CD55: variants seen among roughly 807,000 people sequenced by gnomAD.
The protein encoded by CD55 is CD55 molecule (Cromer blood group).
Under a neutral mutation model 45.8 loss-of-function variants are expected in CD55, and 41 were observed. That is an observed-to-expected ratio of 0.90 (90% confidence interval 0.70 to 1.16). CD55 has a LOEUF of 1.16. CD55 is among the 50% of genes most tolerant of loss of function. The probability of loss-of-function intolerance (pLI) is 0.00; values close to 1 mark genes in which losing one functional copy is unlikely to be tolerated. For synonymous variants in CD55, 181 were observed against 181.1 expected (o/e 1.00, Z 0.01); for missense variants, 416 against 469.8 (o/e 0.89, Z 1.06).
intron 6 of CD55, among the ~76,000 whole-genome samples, chr1:207,332,751 G>A (rs1037236949): frequency 6.6e-6 from 1 of 152,070 alleles, no homozygotes; most frequent in African/African-American, 2.4e-5. Context: ...CCATTAAAAC[G>A]ACTATAAAAT....
intron 9 of CD55, among the ~76,000 whole-genome samples, chr1:207,340,988 C>G (rs2102415782): frequency 6.6e-6 from 1 of 152,276 alleles, no homozygotes; most frequent in African/African-American, 2.4e-5. Context: ...GCCATTCTAA[C>G]TGAGGTTAAG....
intron 3 of CD55, 58 bp downstream of exon 3, chr1:207,324,808 C>T: frequency 1.9e-6 from 2 of 1,064,824 alleles, no homozygotes; most frequent in Non-Finnish European, 2.8e-6. Flanking sequence ...AAATAGTATC[C>T]CTTCCTTCAT....
intron 9 of CD55, among the ~76,000 whole-genome samples, chr1:207,347,947 G>A (rs1655716466): frequency 6.6e-6 from 1 of 151,970 alleles, no homozygotes; most frequent in Non-Finnish European, 1.5e-5. Context: ...ATCCCGTGGT[G>A]TATATATACC....
rs1449155563 is a variant in CD55 at position 207,321,847 on chromosome 1, T to G, written c.82T>G (p.Cys28Gly). 6.5e-7 allele frequency: 1 copy of G among 1,528,996 alleles called. No individual in the cohort carries two copies. The highest frequency in any genetic ancestry group is 8.7e-7 in the Non-Finnish European group (1 of 1,143,304). The allele number at this position is 1,528,996 out of a possible 1,614,324, so 94.7% of individuals were successfully genotyped here. The change falls in exon 1 of 10, where the codon TGC (cysteine) becomes GGC (glycine). Residue 28 changes from cysteine (C) to glycine (G), a missense_variant. Cys to Gly is a radical substitution (Grantham distance 159). Transcript: ENST00000367064. ...CCGGCTGCTGCTGCTGGTGCTGTTGTGCCTGCCGGCCGTGTGGGGTGAGTA... is the reference window on the plus strand; with the variant it reads ...CCGGCTGCTGCTGCTGGTGCTGTTGGGCCTGCCGGCCGTGTGGGGTGAGTA... ...LPRLLLLVLL[C>G]LPAVWGDCGL...
chr1:207,323,227 ATAT>A (rs1654509206), intron 2 of CD55, among the ~76,000 whole-genome samples: 1 of 151,284 alleles, frequency 6.6e-6, no homozygotes, highest in Admixed American at 6.6e-5. Context: ...TAATTGGGAT[ATAT>A]ATAAGGAGAT....
At chr1:207,327,827 C>T (rs1177870889) in intron 5 of CD55, among the ~76,000 whole-genome samples, 2 of 152,192 alleles carry the variant, frequency 1.3e-5, no homozygotes, top group Non-Finnish European at 2.9e-5. Flanking sequence ...CTGCCACACC[C>T]ACCATGTGCC....
intron 9 of CD55, among the ~76,000 whole-genome samples, chr1:207,356,066 A>T (rs1656065609): frequency 6.6e-6 from 1 of 152,204 alleles, no homozygotes; most frequent in Non-Finnish European, 1.5e-5. Flanking sequence ...ACCAGTATGT[A>T]TGTCATTGTG....
intron 1 of CD55, 164 bp from the exon 2 acceptor site, chr1:207,322,218 G>T (rs1654446603): frequency 1.4e-6 from 1 of 738,362 alleles, no homozygotes; most frequent in South Asian, 1.5e-5. Context: ...ACCGCTGACC[G>T]TTCCCCACTC....
At chr1:207,347,060 A>G in intron 9 of CD55, 1 of 455,220 alleles carries the variant, frequency 2.2e-6, no homozygotes, top group Non-Finnish European at 4.4e-6. Flanking sequence ...GCATCCTGTC[A>G]CTTGTTTGTT....
intron 9 of CD55, among the ~76,000 whole-genome samples, chr1:207,351,586 G>A (rs565821243): frequency 6.6e-6 from 1 of 152,036 alleles, no homozygotes; most frequent in East Asian, 1.9e-4. Flanking sequence ...TATTTATTGT[G>A]GTTATTTTAT....
At position 207,324,633 on chromosome 1, in the gene CD55, G is replaced by T; in HGVS notation, c.361G>T (p.Val121Phe). ...TTATATCACTCAGAATTATTTTCCA[G>T]TCGGTACTGTTGTGGAATATGAGTG... ...QPYITQNYFP[V>F]GTVVEYECRP... is the part of the protein sequence containing the mutation. The change falls in exon 3 of 10, where the codon GTC becomes TTC. Residue 121 changes from valine (V) to phenylalanine (F), a missense_variant. Physicochemically the swap from Val to Phe is conservative, Grantham distance 50. Around this residue, in one of 3 missense-constraint regions of CD55, gnomAD observed 111 missense variants for 163.4 expected, o/e 0.68. Coordinates refer to ENST00000367064, the MANE Select transcript of CD55 (RefSeq NM_000574.5). 6.2e-7 allele frequency: 1 copy of T among 1,612,378 alleles called. No homozygotes were observed. Among genetic ancestry groups the T allele is most frequent in the Non-Finnish European group, 8.5e-7 (1 of 1,179,154 alleles).
chr1:207,340,186 T>G (rs1317728783), intron 9 of CD55, among the ~76,000 whole-genome samples: 3 of 152,126 alleles, frequency 2.0e-5, no homozygotes, highest in Admixed American at 2.0e-4. Flanking sequence ...AGAACTTTTT[T>G]AGGTCTCACA....
chr1:207,322,604 G>A (rs781125021), intron 2 of CD55, 37 bp downstream of exon 2: 1 of 1,510,008 alleles, frequency 6.6e-7, no homozygotes, highest in African/African-American at 1.4e-5. Flanking sequence ...TTCTGGGAAT[G>A]GAATGTATCT....
chr1:207,337,180 A>G (rs1028116260), intron 7 of CD55, 149 bp from the exon 8 acceptor site: 15 of 638,890 alleles, frequency 2.3e-5, no homozygotes, highest in Non-Finnish European at 4.2e-5. Flanking sequence ...CTTCTGCTAC[A>G]CAGGCCACAC....
In CD55 at chr1:207,359,646, T is replaced by G; in HGVS notation, c.*36T>G. The G allele has an allele frequency of 6.4e-7, 1 of 1,558,724 alleles. No individual in the cohort carries two copies. The highest frequency in any genetic ancestry group is 8.6e-7 in the Non-Finnish European group (1 of 1,160,028). On this transcript the variant is annotated 3_prime_UTR_variant, in exon 10 of 10. Transcript: ENST00000367064. ...GTTAAGAAGAAAATACACACAAGTA[T>G]ACAGACTGTTCCTAGTTTCTTAGAC...
At chr1:207,332,440 A>T (rs1654989834) in intron 6 of CD55, among the ~76,000 whole-genome samples, 1 of 152,170 alleles carries the variant, frequency 6.6e-6, no homozygotes, top group African/African-American at 2.4e-5. Flanking sequence ...TACATTTTTC[A>T]TGCCCATTAG....
intron 8 of CD55, among the ~76,000 whole-genome samples, chr1:207,338,744 G>C (rs894613101): frequency 1.3e-5 from 2 of 152,088 alleles, no homozygotes; most frequent in Non-Finnish European, 2.9e-5. Context: ...TGATTTTATA[G>C]ATGAGGAATT....
chr1:207,326,704 AAT>A, intron 4 of CD55, 46 bp from the exon 5 acceptor site: 1 of 1,379,770 alleles, frequency 7.2e-7, no homozygotes, highest in Non-Finnish European at 1.0e-6. Context: ...AGGAAAGTCA[AAT>A]ATGTGTGAAT....
chr1:207,321,797 C>A lies in CD55; in HGVS notation c.32C>A (p.Ala11Glu). MTVARPSVPA[A>E]LPLLGELPRL... ...GTCGCGCGGCCGAGCGTGCCCGCGGCGCTGCCCCTCCTCGGGGAGCTGCCC... is the reference window on the plus strand; with the variant it reads ...GTCGCGCGGCCGAGCGTGCCCGCGGAGCTGCCCCTCCTCGGGGAGCTGCCC... Residue 11 changes from alanine (A) to glutamate (E), a missense_variant, in exon 1 of 10, where the codon GCG becomes GAG. Ala to Glu is a moderately radical substitution (Grantham distance 107). Transcript: ENST00000367064. 6.6e-7 allele frequency: 1 copy of A among 1,525,886 alleles called. No homozygotes were observed. The allele number at this position is 1,525,886 out of a possible 1,614,324, so 94.5% of individuals were successfully genotyped here. A position where few individuals can be genotyped will look rare whatever the true frequency, so the allele number is the denominator to read the frequency against.
Sources: gnomAD v4.1 joint callset for allele counts (sites outside exome capture counted in the v4.1 genomes callset) on GRCh38, gnomAD v4.1.1 for gene constraint, gnomAD v4.1.1 regional missense constraint, MANE v1.5 for transcripts, NCBI Gene and HGNC (gene_info 2026-07-23, HGNC 2026-07-21) for gene names.